The following GUCY1A2 variants were observed in gnomAD, a reference collection of about 807,000 sequenced individuals.
GUCY1A2 encodes the protein guanylate cyclase 1 soluble subunit alpha 2, also known as guanylate cyclase soluble subunit alpha-2.
GUCY1A2 carries 27 observed loss-of-function variants against 63.5 expected under a neutral mutation model. The ratio of observed to expected loss-of-function variants is 0.43; its 90% CI spans 0.31 to 0.59. GUCY1A2 has a LOEUF of 0.59. GUCY1A2 is among the 20% of genes least tolerant of loss of function. The pLI, the probability that GUCY1A2 is intolerant of heterozygous loss-of-function variation, is 0.11. For missense variants in GUCY1A2, 768 were observed against 913.3 expected (o/e 0.84, Z 2.05); for synonymous variants, 364 against 343.5 (o/e 1.06, Z -0.66).
Position 106,682,974 on chromosome 11 carries a change from A to G in GUCY1A2, c.*4575T>C, listed in dbSNP as rs549208593. 2 of 215,824 alleles carry G rather than the reference A, an allele frequency of 9.3e-6. No individual in the cohort carries two copies. The highest frequency in any genetic ancestry group is 1.2e-4 in the Admixed American group (2 of 17,124). The allele number at this position is 215,824 out of a possible 1,614,324, so 13.4% of individuals were successfully genotyped here. On this transcript the variant is annotated 3_prime_UTR_variant, in exon 8 of 8. Transcript: ENST00000526355. ...TAATATCAGTGTCTGCTCTTCATTC[A>G]CCACTACGAGGATCTTGAAATTGAG...
chr11:106,895,419 A>AT (rs1335541566), intron 4 of GUCY1A2, among the ~76,000 whole-genome samples: 1 of 152,176 alleles, frequency 6.6e-6, no homozygotes. Context: ...ATCTTGAATT[A>AT]TAGCTCCCAT....
intron 6 of GUCY1A2, among the ~76,000 whole-genome samples, chr11:106,745,994 G>A (rs1863780388): frequency 1.3e-5 from 2 of 152,054 alleles, no homozygotes; most frequent in Admixed American, 6.5e-5. Flanking sequence ...GAAACAAATG[G>A]CGAATTTCCA....
chr11:106,816,510 T>C lies in GUCY1A2; in HGVS notation c.1207-6032A>G, dbSNP rs1453527568. 5.3e-5 allele frequency among the ~76,000 whole-genome samples: 8 copies of C among 150,868 alleles called. No individual in the cohort carries two copies. The Admixed American group carries it at 5.3e-4, about 10-fold the overall frequency. ...TGCTTATAATCAAGGCGAGAACAAA[T>C]CACGAATCAATAATCTAAGTGTCTA... On this transcript the variant is annotated intron_variant, in intron 4 of 7. Transcript: ENST00000526355.
intron 4 of GUCY1A2, among the ~76,000 whole-genome samples, chr11:106,925,034 T>TATC (rs1239005150): frequency 6.6e-6 from 1 of 151,912 alleles, no homozygotes; most frequent in Admixed American, 6.6e-5. Context: ...CAAAACCATG[T>TATC]ATCATCATCA....
At chr11:106,719,558 C>T (rs564129232) in intron 6 of GUCY1A2, among the ~76,000 whole-genome samples, 9 of 152,220 alleles carry the variant, frequency 5.9e-5, no homozygotes, top group East Asian at 1.9e-4. Flanking sequence ...TATCATCTTT[C>T]GTAAGCCATA....
At chr11:106,996,519 T>A (rs1173888214) in intron 1 of GUCY1A2, among the ~76,000 whole-genome samples, 1 of 152,224 alleles carries the variant, frequency 6.6e-6, no homozygotes, top group African/African-American at 2.4e-5. Flanking sequence ...AAACTTCTAA[T>A]TATGACTTGG....
At chr11:106,696,886 C>T (rs1591234116) in intron 7 of GUCY1A2, among the ~76,000 whole-genome samples, 1 of 152,108 alleles carries the variant, frequency 6.6e-6, no homozygotes, top group East Asian at 1.9e-4. Context: ...TAATCTCTTA[C>T]ATTTTAGAGT....
rs190395519 is a variant in GUCY1A2, at chr11:106,781,695, C to T, written c.1693-5113G>A. ...CCTCCCACCTCAGCCTCCCTTGTAG[C>T]TGGGACTACAGGCGCATGTCACCAT... On this transcript the variant is annotated intron_variant, in intron 5 of 7. Transcript: ENST00000526355. Among the ~76,000 whole-genome samples, 4 of 151,366 alleles carry T rather than the reference C, an allele frequency of 2.6e-5. No homozygotes were observed. In the East Asian group the frequency reaches 7.8e-4, roughly 29 times the overall value.
chr11:106,886,600 CATAA>C (rs1859903580), intron 4 of GUCY1A2, among the ~76,000 whole-genome samples: 1 of 151,874 alleles, frequency 6.6e-6, no homozygotes, highest in Non-Finnish European at 1.5e-5. Flanking sequence ...TGTTTATAAA[CATAA>C]ATATATACAA....
chr11:106,707,106 AACTGTAAAATCAAGGTATCC>A (rs564540417), intron 7 of GUCY1A2, among the ~76,000 whole-genome samples: 139 of 152,234 alleles, frequency 9.1e-4, no homozygotes, highest in African/African-American at 3.1e-3. Flanking sequence ...TTTATTCAAA[AACTGTAAAATCAAGGTATCC>A]ACTACTTTAA....
intron 4 of GUCY1A2, among the ~76,000 whole-genome samples, chr11:106,854,135 C>T (rs1424492745): frequency 6.6e-6 from 1 of 152,172 alleles, no homozygotes; most frequent in Non-Finnish European, 1.5e-5. Flanking sequence ...CCCCAGGCAG[C>T]ATGCTTGGAC....
At chr11:106,710,121 A>AGT (rs1555021958) in intron 6 of GUCY1A2, among the ~76,000 whole-genome samples, 2 of 92,734 alleles carry the variant, frequency 2.2e-5, no homozygotes, top group Non-Finnish European at 4.1e-5. Context: ...ACATGTATAT[A>AGT]ATATAGTTAT....
At chr11:106,952,436 C>T (rs991209451) in intron 3 of GUCY1A2, among the ~76,000 whole-genome samples, 3 of 151,992 alleles carry the variant, frequency 2.0e-5, no homozygotes, top group Non-Finnish European at 4.4e-5. Context: ...TTGTAGTTCT[C>T]CTTGAAGAGG....
chr11:106,853,643 T>C (rs1256288542), intron 4 of GUCY1A2, among the ~76,000 whole-genome samples: 1 of 152,170 alleles, frequency 6.6e-6, no homozygotes, highest in Non-Finnish European at 1.5e-5. Context: ...GGACATTTAA[T>C]AGACTTTTCT....
chr11:106,956,752 C>G (rs186272991), intron 3 of GUCY1A2, among the ~76,000 whole-genome samples: 7 of 152,284 alleles, frequency 4.6e-5, no homozygotes, highest in African/African-American at 1.7e-4. Flanking sequence ...TGGAGGGTCT[C>G]ACCCAATCGG....
rs537078673 is a variant in GUCY1A2 at position 106,686,855 on chromosome 11, T to C, written c.*694A>G. ...ATGCTTTCTTGGTATCTGAAATCCTTGGTTATATGTATTCTCAGTCGAAGC... is the reference window on the plus strand; with the variant it reads ...ATGCTTTCTTGGTATCTGAAATCCTCGGTTATATGTATTCTCAGTCGAAGC... On this transcript the variant is annotated 3_prime_UTR_variant, in exon 8 of 8. Coordinates refer to ENST00000526355, the MANE Select transcript of GUCY1A2 (RefSeq NM_000855.3). 3.3e-4 allele frequency: 64 copies of C among 195,908 alleles called. No individual in the cohort carries two copies. Among genetic ancestry groups the C allele is most frequent in the Non-Finnish European group, 4.1e-4 (39 of 94,304 alleles). 12.1% of individuals were successfully genotyped at this position (195,908 alleles called of 1,614,324 possible). A position where few individuals can be genotyped will look rare whatever the true frequency, so the allele number is the denominator to read the frequency against.
At chr11:107,007,837 CTAAAA>C (rs1430716236) in intron 1 of GUCY1A2, among the ~76,000 whole-genome samples, 1 of 152,072 alleles carries the variant, frequency 6.6e-6, no homozygotes, top group Non-Finnish European at 1.5e-5. Context: ...TTCTTACATA[CTAAAA>C]TAATAATGAA....
chr11:106,902,935 C>T (rs373603830), intron 4 of GUCY1A2, among the ~76,000 whole-genome samples: 3 of 152,128 alleles, frequency 2.0e-5, no homozygotes, highest in East Asian at 3.9e-4. Context: ...CATGGGAGGC[C>T]CTGGAACCAA....
chr11:106,992,027 C>G (rs1366151758), intron 1 of GUCY1A2, among the ~76,000 whole-genome samples: 1 of 152,134 alleles, frequency 6.6e-6, no homozygotes, highest in African/African-American at 2.4e-5. Flanking sequence ...CTGTGTCACA[C>G]AGATAAAAAG....
Sources: gnomAD v4.1 joint callset for allele counts (sites outside exome capture counted in the v4.1 genomes callset) on GRCh38, gnomAD v4.1.1 for gene constraint, MANE v1.5 for transcripts, NCBI Gene and HGNC (gene_info 2026-07-23, HGNC 2026-07-21) for gene names.